Variants in C1orf21 observed in about 807,000 individuals in gnomAD.
C1orf21 encodes chromosome 1 open reading frame 21.
A neutral mutation model predicts 18.7 loss-of-function variants in C1orf21; 3 were observed. The observed-to-expected ratio is 0.16, with a 90% CI of 0.07 to 0.42. The LOEUF is 0.42. Ranked by LOEUF, C1orf21 falls within the 10% of genes least tolerant of loss-of-function variation. C1orf21 has a pLI of 0.99. For missense variants in C1orf21, 104 were observed against 143.6 expected (o/e 0.72, Z 1.41); for synonymous variants, 41 against 46.4 (o/e 0.88, Z 0.47).
chr1:184,535,531 A>T (rs983402443), intron 3 of C1orf21, among the ~76,000 whole-genome samples: 9 of 152,250 alleles, frequency 5.9e-5, no homozygotes, highest in African/African-American at 1.9e-4. Flanking sequence ...AAACAGCATC[A>T]TTCCTGGTGA....
intron 3 of C1orf21, among the ~76,000 whole-genome samples, chr1:184,577,696 T>TG (rs1023726380): frequency 2.0e-5 from 3 of 152,032 alleles, no homozygotes; most frequent in Admixed American, 1.3e-4. Context: ...CTCAGTTTAG[T>TG]GGGAAAAAAA....
chr1:184,530,017 A>C (rs563430897), intron 3 of C1orf21, among the ~76,000 whole-genome samples: 1 of 152,326 alleles, frequency 6.6e-6, no homozygotes, highest in East Asian at 1.9e-4. Flanking sequence ...CCTTTAAAAT[A>C]TCTTACAAGG....
At chr1:184,497,481 G>T (rs963407823) in intron 2 of C1orf21, among the ~76,000 whole-genome samples, 2 of 152,220 alleles carry the variant, frequency 1.3e-5, no homozygotes, top group African/African-American at 4.8e-5. Context: ...GTGCACACAC[G>T]AGAGTGGGTG....
At chr1:184,553,351 T>A (rs1338958609) in intron 3 of C1orf21, among the ~76,000 whole-genome samples, 1 of 152,222 alleles carries the variant, frequency 6.6e-6, no homozygotes, top group African/African-American at 2.4e-5. Flanking sequence ...TTTAAACTAA[T>A]TTAGAACTCA....
chr1:184,542,666 A>G (rs1658672583), intron 3 of C1orf21: 1 of 152,202 alleles, frequency 6.6e-6, no homozygotes, highest in South Asian at 2.1e-4. Flanking sequence ...AGTGAGTACA[A>G]TAAGAGATAG....
intron 1 of C1orf21, among the ~76,000 whole-genome samples, chr1:184,455,562 G>A (rs1029448171): frequency 1.5e-4 from 23 of 152,060 alleles, no homozygotes; most frequent in African/African-American, 5.6e-4. Context: ...TCCCTTACAG[G>A]TGTTTTTTCC....
intron 4 of C1orf21, among the ~76,000 whole-genome samples, chr1:184,595,291 G>C (rs1216801228): frequency 6.6e-6 from 1 of 152,106 alleles, no homozygotes; most frequent in Non-Finnish European, 1.5e-5. Context: ...AAACAATTCA[G>C]TGATCCTTTT....
In C1orf21 at chr1:184,619,722, C is replaced by G. The variant is rs1659886519; in HGVS notation, c.*166C>G. 9.4e-6 allele frequency: 5 copies of G among 530,042 alleles called. No individual in the cohort carries two copies. Among genetic ancestry groups the G allele is most frequent in the Admixed American group, 3.8e-5 (1 of 26,000 alleles). The allele number at this position is 530,042 out of a possible 1,614,324, so 32.8% of individuals were successfully genotyped here. ...ATTACAGTGTTTCTTAATGAACTTGCAAAGGAATATTGCTAAAAACAAACA... is the reference window on the plus strand; with the variant it reads ...ATTACAGTGTTTCTTAATGAACTTGGAAAGGAATATTGCTAAAAACAAACA... On this transcript the variant is annotated 3_prime_UTR_variant, in exon 6 of 6. Coordinates refer to ENST00000235307, the MANE Select transcript of C1orf21 (RefSeq NM_030806.4).
At chr1:184,440,397 A>G (rs990137808) in intron 1 of C1orf21, among the ~76,000 whole-genome samples, 3 of 152,076 alleles carry the variant, frequency 2.0e-5, no homozygotes, top group African/African-American at 2.4e-5. Context: ...CGCACGCCCT[A>G]CACCGGCCAT....
chr1:184,617,254 T>C (rs190447921), intron 5 of C1orf21, among the ~76,000 whole-genome samples: 4 of 152,272 alleles, frequency 2.6e-5, no homozygotes, highest in Admixed American at 2.6e-4. Flanking sequence ...ACAGTGTATA[T>C]GTACATATAT....
chr1:184,514,739 T>C (rs1250999520), intron 3 of C1orf21, among the ~76,000 whole-genome samples: 1 of 152,186 alleles, frequency 6.6e-6, no homozygotes, highest in African/African-American at 2.4e-5. Context: ...ACCTCCCTGC[T>C]TGTCGATACG....
At chr1:184,473,864 G>C (rs1203951911) in intron 1 of C1orf21, among the ~76,000 whole-genome samples, 1 of 152,064 alleles carries the variant, frequency 6.6e-6, no homozygotes, top group African/African-American at 2.4e-5. Context: ...GATCATTCTT[G>C]TTCTATAGGG....
chr1:184,456,281 T>C (rs1211189417), intron 1 of C1orf21, among the ~76,000 whole-genome samples: 1 of 152,240 alleles, frequency 6.6e-6, no homozygotes, highest in Non-Finnish European at 1.5e-5. Context: ...TGTGCTTGAA[T>C]CAACTCTATG....
intron 1 of C1orf21, among the ~76,000 whole-genome samples, chr1:184,464,897 A>G (rs1466587908): frequency 6.6e-6 from 1 of 152,168 alleles, no homozygotes. Flanking sequence ...TAAGTTATCT[A>G]AACTCTGCCT....
chr1:184,470,245 C>T (rs1416415378), intron 1 of C1orf21, among the ~76,000 whole-genome samples: 1 of 152,100 alleles, frequency 6.6e-6, no homozygotes, highest in African/African-American at 2.4e-5. Context: ...TCATGAAAAG[C>T]CCCACGTCTG....
chr1:184,517,658 T>C (rs1224661056), intron 3 of C1orf21, among the ~76,000 whole-genome samples: 2 of 152,008 alleles, frequency 1.3e-5, no homozygotes, highest in East Asian at 3.9e-4. Flanking sequence ...GGATGAATTA[T>C]AAGAGAGAGT....
At chr1:184,550,209 T>C (rs556614871) in intron 3 of C1orf21, among the ~76,000 whole-genome samples, 1 of 152,336 alleles carries the variant, frequency 6.6e-6, no homozygotes, top group South Asian at 2.1e-4. Context: ...TGTTTAAGAA[T>C]AAAAAAGATT....
chr1:184,411,453 A>G (rs1436832830), intron 1 of C1orf21, among the ~76,000 whole-genome samples: 12 of 116,884 alleles, frequency 1.0e-4, no homozygotes, highest in African/African-American at 1.4e-4. Flanking sequence ...ACGGAGTCTC[A>G]CTCTGTCGCC....
At chr1:184,561,876 G>A (rs531442631) in intron 3 of C1orf21, among the ~76,000 whole-genome samples, 5 of 152,016 alleles carry the variant, frequency 3.3e-5, no homozygotes, top group Middle Eastern at 3.2e-3. Context: ...ATCATGATCC[G>A]CCCACCTTGG....
Sources: allele counts gnomAD v4.1 joint callset (sites outside exome capture counted in the v4.1 genomes callset), GRCh38; gene constraint gnomAD v4.1.1; transcripts MANE v1.5; gene names NCBI Gene and HGNC (gene_info 2026-07-23, HGNC 2026-07-21).